The following ALDH1A2 variants were observed in gnomAD, a reference collection of about 807,000 sequenced individuals.
The protein encoded by ALDH1A2 is retinal dehydrogenase 2.
A neutral mutation model predicts 60.3 loss-of-function variants in ALDH1A2; 27 were observed. The observed-to-expected ratio is 0.45, with a 90% CI of 0.33 to 0.62. The LOEUF is 0.62. Among genes scored for constraint, ALDH1A2 ranks in the 20% least tolerant of loss-of-function variants. The pLI is 0.02. For missense variants in ALDH1A2, 581 were observed against 643.8 expected (o/e 0.90, Z 1.06); for synonymous variants, 289 against 232.4 (o/e 1.24, Z -2.21).
intron 1 of ALDH1A2, among the ~76,000 whole-genome samples, chr15:58,032,662 C>A (rs369150392): frequency 6.6e-6 from 1 of 151,940 alleles, no homozygotes; most frequent in Non-Finnish European, 1.5e-5. Flanking sequence ...TTTGATCAAG[C>A]AATCCCACTA....
intron 1 of ALDH1A2, among the ~76,000 whole-genome samples, chr15:58,044,117 C>T (rs188693842): frequency 4.6e-5 from 7 of 152,052 alleles, no homozygotes; most frequent in Non-Finnish European, 8.8e-5. Flanking sequence ...TGACCAGATC[C>T]GAGTGATCTT....
intron 1 of ALDH1A2, among the ~76,000 whole-genome samples, chr15:58,028,763 A>T (rs1239835361): frequency 6.6e-6 from 1 of 152,142 alleles, no homozygotes; most frequent in African/African-American, 2.4e-5. Flanking sequence ...CAGTCTGATG[A>T]AACAGACTTT....
intron 7 of ALDH1A2, among the ~76,000 whole-genome samples, chr15:57,975,790 A>C (rs984560523): frequency 1.3e-5 from 2 of 149,972 alleles, no homozygotes; most frequent in African/African-American, 4.9e-5. Context: ...GATAATCTAT[A>C]GTGCCAGAAA....
intron 1 of ALDH1A2, among the ~76,000 whole-genome samples, chr15:58,026,596 G>A (rs763433326): frequency 2.6e-4 from 39 of 152,166 alleles, no homozygotes; most frequent in Admixed American, 6.5e-4. Context: ...AAGGGGTCAG[G>A]GGATTTCCCT....
Position 58,005,506 on chromosome 15 carries a change from C to A in ALDH1A2, c.493+5143G>T, listed in dbSNP as rs537156547. On this transcript the variant is annotated intron_variant, in intron 4 of 12. Coordinates refer to ENST00000249750, the MANE Select transcript of ALDH1A2 (RefSeq NM_003888.4). The stretch of plus-strand genomic sequence containing the variant: ...AGGAATAAGAGATCAAAGTTGATGC[C>A]ACAGAAAGGAGGTAAAAGAAAATCC... Among the ~76,000 whole-genome samples, 15 of 151,998 alleles carry A rather than the reference C, an allele frequency of 9.9e-5. No homozygotes were observed. The South Asian group carries it at 1.5e-3, about 15-fold the overall frequency.
At chr15:58,038,890 A>T (rs566263867) in intron 1 of ALDH1A2, among the ~76,000 whole-genome samples, 2 of 151,832 alleles carry the variant, frequency 1.3e-5, no homozygotes, top group African/African-American at 4.8e-5. Flanking sequence ...GTGCACATAT[A>T]AAGTGCCTCA....
chr15:58,002,872 C>A (rs1895320756), intron 4 of ALDH1A2, among the ~76,000 whole-genome samples: 1 of 151,792 alleles, frequency 6.6e-6, no homozygotes, highest in African/African-American at 2.4e-5. Flanking sequence ...TATGTATGTA[C>A]TGTAGCAGAT....
intron 7 of ALDH1A2, among the ~76,000 whole-genome samples, chr15:57,971,986 T>C: frequency 6.6e-6 from 1 of 152,220 alleles, no homozygotes; most frequent in Non-Finnish European, 1.5e-5. Flanking sequence ...GGTCTTGATC[T>C]CCCAAAGTGC....
chr15:57,992,666 C>T (rs750584454), intron 7 of ALDH1A2, 39 bp downstream of exon 7: 14 of 1,585,928 alleles, frequency 8.8e-6, no homozygotes, highest in Non-Finnish European at 1.2e-5. Context: ...AACTCATTTG[C>T]AAGACTGTTC....
intron 1 of ALDH1A2, among the ~76,000 whole-genome samples, chr15:58,028,281 T>C (rs996449716): frequency 6.6e-6 from 1 of 152,150 alleles, no homozygotes; most frequent in African/African-American, 2.4e-5. Context: ...CAACCCAGAA[T>C]TTCCCATCCA....
Position 58,013,968 on chromosome 15 carries a change from G to C in ALDH1A2, c.253C>G (p.Arg85Gly), listed in dbSNP as rs1170772271. 6.2e-7 allele frequency: 1 copy of C among 1,614,042 alleles called. No homozygotes were observed. Among genetic ancestry groups the C allele is most frequent in the African/African-American group, 1.3e-5 (1 of 75,010 alleles). The change falls in exon 3 of 13, where the codon CGC becomes GGC. Residue 85 changes from arginine to glycine, a missense_variant. Physicochemically the swap from Arg to Gly is moderately radical, Grantham distance 125. Around this residue, in one of 2 missense-constraint regions of ALDH1A2, gnomAD observed 206 missense variants for 174.1 expected, o/e 1.18. Transcript: ENST00000249750. ...ACTGAACCAAGAGAGAAAGCCAGGC[G>C]GGCTGCCTGCACTGCTTTGTCTATA... ...ADIDKAVQAA[R>G]LAFSLGSVWR...
At chr15:57,995,217 C>CAAAAAAAAAAAAAAAAAAAAAAAAGAAAA in intron 4 of ALDH1A2, 78 bp from the exon 5 acceptor site, 1 of 284,426 alleles carries the variant, frequency 3.5e-6, no homozygotes, top group Non-Finnish European at 5.7e-6. Context: ...TTGGTGGCTG[C>CAAAAAAAAAAAAAAAAAAAAAAAAGAAAA]AAAAAAAAAA....
At chr15:57,975,121 T>G (rs1242218827) in intron 7 of ALDH1A2, among the ~76,000 whole-genome samples, 3 of 152,260 alleles carry the variant, frequency 2.0e-5, no homozygotes, top group Non-Finnish European at 4.4e-5. Context: ...GGTAGGAATG[T>G]AAGATGGTAT....
chr15:57,968,331 G>A (rs977725790), intron 7 of ALDH1A2, among the ~76,000 whole-genome samples: 1 of 152,158 alleles, frequency 6.6e-6, no homozygotes, highest in Non-Finnish European at 1.5e-5. Context: ...TCATTTTAGA[G>A]ATGAGCTAAA....
rs762642171 is a variant in ALDH1A2 at position 58,065,528 on chromosome 15, G to T, written c.117+6C>A. 6.2e-7 allele frequency: 1 copy of T among 1,609,004 alleles called. No individual in the cohort carries two copies. The highest frequency in any genetic ancestry group is 8.5e-7 in the Non-Finnish European group (1 of 1,175,418). On this transcript the variant is annotated splice_donor_region_variant and intron_variant, in intron 1 of 12. Coordinates refer to ENST00000249750, the MANE Select transcript of ALDH1A2 (RefSeq NM_003888.4). Reference sequence around the variant, plus strand: ...CGTGGACGACGGGCGCTGGGCGGCCGCTTACCTTGGTGTACTTAATTTCGA... The same window carrying T: ...CGTGGACGACGGGCGCTGGGCGGCCTCTTACCTTGGTGTACTTAATTTCGA...
At chr15:58,019,478 G>A (rs1895867604) in intron 1 of ALDH1A2, among the ~76,000 whole-genome samples, 1 of 152,170 alleles carries the variant, frequency 6.6e-6, no homozygotes, top group African/African-American at 2.4e-5. Context: ...AGTAGAAAGT[G>A]TATCTGACCC....
intron 7 of ALDH1A2, among the ~76,000 whole-genome samples, chr15:57,989,307 T>C (rs1257874230): frequency 2.0e-5 from 3 of 152,250 alleles, no homozygotes; most frequent in Non-Finnish European, 2.9e-5. Context: ...ATCATATTCC[T>C]AGATGAGGAG....
chr15:57,986,312 A>T (rs772737519), intron 7 of ALDH1A2, among the ~76,000 whole-genome samples: 2 of 152,170 alleles, frequency 1.3e-5, no homozygotes, highest in African/African-American at 2.4e-5. Context: ...TTCTGACCAG[A>T]CAGATAAGAA....
At chr15:57,971,262 A>ATAAC (rs1457779115) in intron 7 of ALDH1A2, among the ~76,000 whole-genome samples, 1 of 152,142 alleles carries the variant, frequency 6.6e-6, no homozygotes, top group Non-Finnish European at 1.5e-5. Context: ...TTTTACAGAG[A>ATAAC]TAACTCTTTC....
Sources: allele counts gnomAD v4.1 joint callset (sites outside exome capture counted in the v4.1 genomes callset), GRCh38; gene constraint gnomAD v4.1.1; regional missense constraint gnomAD v4.1.1; transcripts MANE v1.5; gene names NCBI Gene and HGNC (gene_info 2026-07-23, HGNC 2026-07-21).